The following TUSC7 variants were observed in gnomAD, a reference collection of about 807,000 sequenced individuals.
The protein encoded by TUSC7 is LSAMP antisense RNA 3.
Position 116,716,087 on chromosome 3 carries a change from T to C in TUSC7, n.99-1674T>C, listed in dbSNP as rs192829998. The C allele has an allele frequency of 1.5e-3, 230 of 152,324 alleles. 1 individual carries two copies. The highest frequency in any genetic ancestry group is 5.1e-3 in the African/African-American group (211 of 41,578). 9.4% of individuals were successfully genotyped at this position (152,324 alleles called of 1,614,324 possible). A position where few individuals can be genotyped will look rare whatever the true frequency, so the allele number is the denominator to read the frequency against. ...CTTAAATGTAAATCATCAATGCTTT[T>C]ACAAAGTGGGTTTATATAGAGTTTC... is the stretch of plus-strand genomic sequence containing the variant. On this transcript the variant is annotated intron_variant and non_coding_transcript_variant, in intron 1 of 2. Transcript: ENST00000477805.
chr3:116,710,725 G>T (rs1405120312), intron 1 of TUSC7, among the ~76,000 whole-genome samples: 1 of 151,916 alleles, frequency 6.6e-6, no homozygotes, highest in Non-Finnish European at 1.5e-5. Context: ...CAAACTAATG[G>T]TTTTTTTAGG....
chr3:116,714,307 G>A lies in TUSC7; in HGVS notation n.99-3454G>A, dbSNP rs534959111. Among the ~76,000 whole-genome samples, 41 of 152,242 alleles carry A rather than the reference G, an allele frequency of 2.7e-4. No homozygotes were observed. The South Asian group carries it at 8.1e-3, about 30-fold the overall frequency. ...GCACCAAATGTGTATTCTTAATCTA[G>A]AAAACACAGCAGGAGATGGTTTGGC... On this transcript the variant is annotated intron_variant and non_coding_transcript_variant, in intron 1 of 2. Coordinates refer to ENST00000477805, the Ensembl canonical transcript of TUSC7.
intron 1 of TUSC7, among the ~76,000 whole-genome samples, chr3:116,715,646 T>C (rs2051499211): frequency 6.6e-6 from 1 of 152,188 alleles, no homozygotes; most frequent in Non-Finnish European, 1.5e-5. Context: ...AGGTAAGTTA[T>C]TTGGCCCATT....
chr3:116,710,487 C>T (rs1452047179), intron 1 of TUSC7: 1 of 152,038 alleles, frequency 6.6e-6, no homozygotes, highest in African/African-American at 2.4e-5. Flanking sequence ...GCTAACTATG[C>T]CCTTAGGGTA....
intron 1 of TUSC7, among the ~76,000 whole-genome samples, chr3:116,714,778 T>C (rs1453640282): frequency 6.6e-6 from 1 of 152,186 alleles, no homozygotes; most frequent in Non-Finnish European, 1.5e-5. Context: ...TCCCCCCTTA[T>C]CAATGGGCCC....
At chr3:116,715,311 A>G (rs2051496280) in intron 1 of TUSC7, among the ~76,000 whole-genome samples, 1 of 152,160 alleles carries the variant, frequency 6.6e-6, no homozygotes, top group Non-Finnish European at 1.5e-5. Context: ...TTTTGTGTGG[A>G]TATGCTTATT....
chr3:116,713,558 C>T (rs370651551), intron 1 of TUSC7, among the ~76,000 whole-genome samples: 8 of 152,250 alleles, frequency 5.3e-5, no homozygotes, highest in East Asian at 3.9e-4. Context: ...AAACCAGGTA[C>T]GAACACTGTT....
rs557909535 is a variant in TUSC7, at chr3:116,713,977, A to G, written n.99-3784A>G. The G allele has an allele frequency of 2.6e-5, 4 of 152,322 alleles. No individual in the cohort carries two copies. The South Asian group carries it at 6.2e-4, about 24-fold the overall frequency. 9.4% of individuals were successfully genotyped at this position (152,322 alleles called of 1,614,324 possible). ...GCGAAAATCCATCTTTAAGAAAAAGAAAAGAAAAGAAAAAAGAAGCTAGAC... is the reference window on the plus strand; with the variant it reads ...GCGAAAATCCATCTTTAAGAAAAAGGAAAGAAAAGAAAAAAGAAGCTAGAC... On this transcript the variant is annotated intron_variant and non_coding_transcript_variant, in intron 1 of 2. Coordinates refer to ENST00000477805, the Ensembl canonical transcript of TUSC7.
At chr3:116,715,884 T>C (rs929243960) in intron 1 of TUSC7, among the ~76,000 whole-genome samples, 2 of 152,190 alleles carry the variant, frequency 1.3e-5, no homozygotes, top group South Asian at 4.1e-4. Flanking sequence ...CCGACATATG[T>C]ATTTATAGTT....
intron 1 of TUSC7, among the ~76,000 whole-genome samples, chr3:116,711,550 T>C (rs562494613): frequency 3.7e-4 from 57 of 152,290 alleles, no homozygotes; most frequent in African/African-American, 1.3e-3. Flanking sequence ...TAGTCCCATA[T>C]AAGAAATATT....
At chr3:116,715,880 T>C (rs1220539959) in intron 1 of TUSC7, among the ~76,000 whole-genome samples, 1 of 152,224 alleles carries the variant, frequency 6.6e-6, no homozygotes, top group Non-Finnish European at 1.5e-5. Context: ...AAAGCCGACA[T>C]ATGTATTTAT....
At chr3:116,714,436 C>T (rs987244051) in intron 1 of TUSC7, among the ~76,000 whole-genome samples, 2 of 152,190 alleles carry the variant, frequency 1.3e-5, no homozygotes, top group Non-Finnish European at 2.9e-5. Context: ...CATATAAGTT[C>T]TTGAGCAGTA....
Position 116,714,391 on chromosome 3 carries a change from G to T in TUSC7, n.99-3370G>T, listed in dbSNP as rs529650015. 2.0e-5 allele frequency among the ~76,000 whole-genome samples: 3 copies of T among 152,284 alleles called. No homozygotes were observed. The South Asian group carries it at 6.2e-4, about 32-fold the overall frequency. ...AGTACCATCTACTTAGAGCTAGTCT[G>T]CATCTTAGATTTTAGATATCTGCAA... On this transcript the variant is annotated intron_variant and non_coding_transcript_variant, in intron 1 of 2. Coordinates refer to ENST00000477805, the Ensembl canonical transcript of TUSC7.
intron 1 of TUSC7, among the ~76,000 whole-genome samples, chr3:116,713,371 A>C (rs1436250354): frequency 6.6e-6 from 1 of 152,188 alleles, no homozygotes; most frequent in Non-Finnish European, 1.5e-5. Flanking sequence ...CACTAATGCA[A>C]GACGTTGAGA....
chr3:116,714,940 T>C (rs987429783), intron 1 of TUSC7, among the ~76,000 whole-genome samples: 1 of 152,212 alleles, frequency 6.6e-6, no homozygotes, highest in African/African-American at 2.4e-5. Flanking sequence ...CACTATAGTA[T>C]TGTACAGAGG....
chr3:116,715,796 A>T (rs1280397942), intron 1 of TUSC7, among the ~76,000 whole-genome samples: 1 of 152,136 alleles, frequency 6.6e-6, no homozygotes, highest in African/African-American at 2.4e-5. Flanking sequence ...TGATCCAGAT[A>T]CTTTCCAGGG....
intron 1 of TUSC7, among the ~76,000 whole-genome samples, chr3:116,713,606 G>T (rs1253989654): frequency 2.0e-5 from 3 of 152,172 alleles, no homozygotes; most frequent in Non-Finnish European, 4.4e-5. Context: ...TCTGTAGAAG[G>T]TTTCTAATCA....
At chr3:116,711,461 G>GT (rs1450765108) in intron 1 of TUSC7, among the ~76,000 whole-genome samples, 2 of 152,060 alleles carry the variant, frequency 1.3e-5, no homozygotes, top group Admixed American at 1.3e-4. Context: ...CAGGAAACCT[G>GT]TTTTGTTTAT....
At chr3:116,714,988 T>C (rs965228034) in intron 1 of TUSC7, among the ~76,000 whole-genome samples, 9 of 152,212 alleles carry the variant, frequency 5.9e-5, no homozygotes, top group Non-Finnish European at 1.0e-4. Flanking sequence ...GTTCTGCATA[T>C]TCATGCTTCT....
Sources: allele counts gnomAD v4.1 joint callset (sites outside exome capture counted in the v4.1 genomes callset), GRCh38; gene constraint gnomAD v4.1.1; transcripts MANE v1.5; gene names NCBI Gene and HGNC (gene_info 2026-07-23, HGNC 2026-07-21).